Variants in CSMD1 observed in about 807,000 individuals in gnomAD.
The protein encoded by CSMD1 is CUB and sushi domain-containing protein 1.
Under a neutral mutation model 417.5 loss-of-function variants are expected in CSMD1, and 213 were observed. The ratio of observed to expected loss-of-function variants is 0.51; its 90% CI spans 0.46 to 0.57. The LOEUF is 0.57. Ranked by LOEUF, CSMD1 falls within the 20% of genes least tolerant of loss-of-function variation. The probability of loss-of-function intolerance (pLI) is 0.00; values close to 1 mark genes in which losing one functional copy is unlikely to be tolerated. For synonymous variants in CSMD1, 2,862 were observed against 1,736.8 expected (o/e 1.65, Z -16.11); for missense variants, 6,923 against 4,529.7 (o/e 1.53, Z -15.17).
rs953590661 is a variant in CSMD1 at position 4,878,746 on chromosome 8, C to G, written c.85+115586G>C. 3.6e-4 allele frequency among the ~76,000 whole-genome samples: 54 copies of G among 151,920 alleles called. 1 individual carries two copies. The highest frequency in any genetic ancestry group is 1.3e-3 in the African/African-American group (54 of 41,368). Reference sequence around the variant, plus strand: ...CCAGCAGTATCTTTTGTGTAGAAAACATTCACAGTAAATTTGTGGGTTTTA... The same window carrying G: ...CCAGCAGTATCTTTTGTGTAGAAAAGATTCACAGTAAATTTGTGGGTTTTA... On this transcript the variant is annotated intron_variant, in intron 1 of 69. Coordinates refer to ENST00000635120, the MANE Select transcript of CSMD1 (RefSeq NM_033225.6).
At chr8:3,654,718 G>A (rs1008672451) in intron 7 of CSMD1, among the ~76,000 whole-genome samples, 1 of 152,232 alleles carries the variant, frequency 6.6e-6, no homozygotes, top group South Asian at 2.1e-4. Context: ...GACACATTGG[G>A]CATCTCTGCA....
intron 61 of CSMD1, among the ~76,000 whole-genome samples, chr8:2,961,547 T>G (rs1351838091): frequency 1.3e-5 from 2 of 152,188 alleles, no homozygotes; most frequent in Non-Finnish European, 2.9e-5. Context: ...TCACTATCTT[T>G]TTGCTTATTA....
intron 49 of CSMD1, among the ~76,000 whole-genome samples, chr8:3,065,545 T>G (rs190169046): frequency 2.6e-5 from 4 of 152,034 alleles, no homozygotes; most frequent in African/African-American, 7.2e-5. Context: ...GATGGATAGT[T>G]ATATAGAAAG....
chr8:4,381,751 T>A (rs1367135552), intron 3 of CSMD1, among the ~76,000 whole-genome samples: 1 of 152,136 alleles, frequency 6.6e-6, no homozygotes, highest in Non-Finnish European at 1.5e-5. Context: ...ATGCTATGTT[T>A]TTTTGTTTTG....
intron 1 of CSMD1, among the ~76,000 whole-genome samples, chr8:4,638,110 G>C (rs896696418): frequency 6.6e-6 from 1 of 152,076 alleles, no homozygotes; most frequent in African/African-American, 2.4e-5. Context: ...AGAAGTTTAG[G>C]GAAGTTCTTT....
intron 1 of CSMD1, among the ~76,000 whole-genome samples, chr8:4,757,301 T>G (rs554107074): frequency 2.6e-5 from 4 of 152,338 alleles, no homozygotes; most frequent in South Asian, 2.1e-4. Flanking sequence ...TATACGTGAC[T>G]AATCATAACC....
At position 3,419,751 on chromosome 8, in the gene CSMD1, A is replaced by T. The variant is rs905608450; in HGVS notation, c.1562-10146T>A. ...CCAACATGTCAAGAAAAAAATCTGC[A>T]TATCTAGATTCATTAAAAGAAATAA... On this transcript the variant is annotated intron_variant, in intron 12 of 69. Transcript: ENST00000635120. Among the ~76,000 whole-genome samples the T allele has an allele frequency of 2.0e-5, 3 of 152,370 alleles. No homozygotes were observed. In the East Asian group the frequency reaches 5.8e-4, roughly 29 times the overall value.
At chr8:4,783,765 C>A (rs577479349) in intron 1 of CSMD1, among the ~76,000 whole-genome samples, 1 of 152,276 alleles carries the variant, frequency 6.6e-6, no homozygotes, top group Admixed American at 6.5e-5. Context: ...GGTCATCCAG[C>A]TGGTGATGCC....
intron 1 of CSMD1, among the ~76,000 whole-genome samples, chr8:4,802,425 A>T (rs756313073): frequency 1.3e-5 from 2 of 152,038 alleles, no homozygotes; most frequent in Non-Finnish European, 2.9e-5. Context: ...TTTGGGAATT[A>T]ACCTTTATCA....
chr8:4,184,472 C>T (rs1207763276), intron 3 of CSMD1, among the ~76,000 whole-genome samples: 1 of 152,128 alleles, frequency 6.6e-6, no homozygotes, highest in Non-Finnish European at 1.5e-5. Flanking sequence ...CAAAGGCCAC[C>T]AATGGCAGAC....
intron 1 of CSMD1, among the ~76,000 whole-genome samples, chr8:4,728,645 G>T (rs1422441424): frequency 2.0e-5 from 3 of 152,096 alleles, no homozygotes; most frequent in Non-Finnish European, 4.4e-5. Context: ...GTATGTTAGA[G>T]AATCTTAACT....
At position 4,481,693 on chromosome 8, in the gene CSMD1, T is replaced by G. The variant is rs142133329; in HGVS notation, c.303-61628A>C. Among the ~76,000 whole-genome samples, 759 of 152,320 alleles carry G rather than the reference T, an allele frequency of 5.0e-3. 5 individuals carry two copies. Among genetic ancestry groups the G allele is most frequent in the African/African-American group, 0.016 (683 of 41,578 alleles). ...ACCTTGTAAATGCTTCAGGACTCAG[T>G]CTATTTGGTTTGTTCCATATATTAG... On this transcript the variant is annotated intron_variant, in intron 2 of 69. Transcript: ENST00000635120.
chr8:4,158,322 C>T (rs1314683347), intron 3 of CSMD1, among the ~76,000 whole-genome samples: 1 of 152,002 alleles, frequency 6.6e-6, no homozygotes, highest in Non-Finnish European at 1.5e-5. Context: ...AGGATGCAAT[C>T]ATCTCTACTG....
chr8:3,485,538 C>CACACACACACACACACAGAG (rs376214281), intron 11 of CSMD1, among the ~76,000 whole-genome samples: 3 of 134,924 alleles, frequency 2.2e-5, no homozygotes, highest in Non-Finnish European at 4.6e-5. Context: ...CACACACACA[C>CACACACACACACACACAGAG]AGAGAGAGAG....
chr8:4,951,767 C>T (rs770614157), intron 1 of CSMD1, among the ~76,000 whole-genome samples: 5 of 151,714 alleles, frequency 3.3e-5, no homozygotes, highest in Non-Finnish European at 7.4e-5. Flanking sequence ...ACACCCCCTA[C>T]CTTTCCTTAA....
chr8:4,363,592 C>A (rs1190839245), intron 3 of CSMD1, among the ~76,000 whole-genome samples: 1 of 152,156 alleles, frequency 6.6e-6, no homozygotes, highest in African/African-American at 2.4e-5. Flanking sequence ...CTGGAGGACC[C>A]ATTTCAAAGA....
chr8:4,190,062 T>C (rs1012539206), intron 3 of CSMD1, among the ~76,000 whole-genome samples: 1 of 151,488 alleles, frequency 6.6e-6, no homozygotes, highest in Non-Finnish European at 1.5e-5. Context: ...ATCGAGACCA[T>C]CCTGGCTAAC....
intron 12 of CSMD1, among the ~76,000 whole-genome samples, chr8:3,412,760 G>C (rs78359782): frequency 6.6e-6 from 1 of 152,128 alleles, no homozygotes; most frequent in Non-Finnish European, 1.5e-5. Context: ...CTTAAAGATA[G>C]TTCTTGGAGT....
chr8:3,721,283 C>T (rs1197805249), intron 6 of CSMD1, among the ~76,000 whole-genome samples: 1 of 152,070 alleles, frequency 6.6e-6, no homozygotes, highest in African/African-American at 2.4e-5. Flanking sequence ...CCTCAAGGAT[C>T]TGAGATGAGT....
Sources: allele counts gnomAD v4.1 joint callset (sites outside exome capture counted in the v4.1 genomes callset), GRCh38; gene constraint gnomAD v4.1.1; transcripts MANE v1.5; gene names NCBI Gene and HGNC (gene_info 2026-07-23, HGNC 2026-07-21).